Variants in FRMD3 observed in about 807,000 individuals in gnomAD.
The protein encoded by FRMD3 is FERM domain-containing protein 3.
Under a neutral mutation model 70.2 loss-of-function variants are expected in FRMD3, and 33 were observed. That is an observed-to-expected ratio of 0.47 (90% CI 0.36 to 0.63). FRMD3 has a LOEUF of 0.63. Ranked by LOEUF, FRMD3 falls within the 20% of genes least tolerant of loss-of-function variation. The pLI, the probability that FRMD3 is intolerant of heterozygous loss-of-function variation, is 0.00. For synonymous variants in FRMD3, 279 were observed against 255.9 expected (o/e 1.09, Z -0.86); for missense variants, 632 against 711.4 (o/e 0.89, Z 1.27).
At chr9:83,253,020 G>C (rs1306905516) in intron 13 of FRMD3, among the ~76,000 whole-genome samples, 7 of 152,176 alleles carry the variant, frequency 4.6e-5, no homozygotes, top group Non-Finnish European at 1.0e-4. Context: ...TCCAGATCAA[G>C]TGGACATGGT....
chr9:83,378,537 T>C (rs188502120), intron 2 of FRMD3, among the ~76,000 whole-genome samples: 361 of 29,602 alleles, frequency 0.012, no homozygotes, highest in African/African-American at 0.016. Flanking sequence ...TTTATATATA[T>C]AATATACATA....
chr9:83,401,230 G>T (rs1825943036), intron 1 of FRMD3, among the ~76,000 whole-genome samples: 1 of 152,196 alleles, frequency 6.6e-6, no homozygotes. Flanking sequence ...AAGGTCACAT[G>T]GCAAGCAAAT....
chr9:83,384,175 C>T (rs1289882597), intron 2 of FRMD3, among the ~76,000 whole-genome samples: 1 of 152,218 alleles, frequency 6.6e-6, no homozygotes, highest in African/African-American at 2.4e-5. Flanking sequence ...ATCTTTAATA[C>T]CTTTTGAAAC....
At chr9:83,522,355 G>A (rs374553697) in intron 1 of FRMD3, among the ~76,000 whole-genome samples, 2 of 152,034 alleles carry the variant, frequency 1.3e-5, no homozygotes, top group East Asian at 3.9e-4. Flanking sequence ...CTCTGCTCGC[G>A]GAGGCCAGAA....
intron 1 of FRMD3, among the ~76,000 whole-genome samples, chr9:83,445,379 T>TACATAAGATAGAC: frequency 6.6e-6 from 1 of 150,978 alleles, no homozygotes; most frequent in African/African-American, 2.4e-5. Flanking sequence ...GATAGATAGA[T>TACATAAGATAGAC]AGACAGATAG....
intron 13 of FRMD3, among the ~76,000 whole-genome samples, chr9:83,287,721 C>T (rs1480193028): frequency 6.6e-6 from 1 of 152,216 alleles, no homozygotes; most frequent in Non-Finnish European, 1.5e-5. Flanking sequence ...GATTTTATGT[C>T]AGACACTCCA....
chr9:83,569,179 A>G, the FRMD3 span, among the ~76,000 whole-genome samples: 1 of 152,192 alleles, frequency 6.6e-6, no homozygotes, highest in African/African-American at 2.4e-5. Context: ...TGCTCCAGAG[A>G]CTTTCTGAAG....
intron 2 of FRMD3, among the ~76,000 whole-genome samples, chr9:83,373,780 G>T (rs749060177): frequency 1.1e-4 from 17 of 152,078 alleles, no homozygotes; most frequent in Non-Finnish European, 1.8e-4. Context: ...GGTGTCCTGG[G>T]GTACCCATCC....
intron 12 of FRMD3, chr9:83,297,738 G>A (rs986972421): frequency 2.1e-6 from 1 of 471,716 alleles, no homozygotes. Context: ...CAGTGTGATA[G>A]CCTGGTTTTG....
At chr9:83,543,263 G>A (rs940380371), upstream of FRMD3, among the ~76,000 whole-genome samples, 2 of 151,750 alleles carry the variant, frequency 1.3e-5, no homozygotes, top group Non-Finnish European at 2.9e-5. Context: ...CAGAAAAAAG[G>A]AGGAGGCAAG....
chr9:83,354,091 A>T (rs1237031071), intron 3 of FRMD3, among the ~76,000 whole-genome samples: 2 of 152,010 alleles, frequency 1.3e-5, no homozygotes, highest in African/African-American at 4.8e-5. Context: ...TGCCTGGCTA[A>T]TTTTTTGTAT....
chr9:83,310,948 T>C (rs1008281057), intron 8 of FRMD3, among the ~76,000 whole-genome samples: 1 of 152,230 alleles, frequency 6.6e-6, no homozygotes, highest in African/African-American at 2.4e-5. Flanking sequence ...TCCTTCTGCA[T>C]CCATTTCCAA....
chr9:83,334,693 T>C (rs1472183669), intron 6 of FRMD3, among the ~76,000 whole-genome samples: 1 of 152,078 alleles, frequency 6.6e-6, no homozygotes, highest in Non-Finnish European at 1.5e-5. Context: ...ATTACCTAAA[T>C]TCCAAGTTGG....
chr9:83,272,868 C>T (rs1345019957), intron 13 of FRMD3, among the ~76,000 whole-genome samples: 9 of 147,660 alleles, frequency 6.1e-5, no homozygotes, highest in African/African-American at 2.3e-4. Context: ...TCTGCCCGGC[C>T]ACCCCGTCCG....
Position 83,498,173 on chromosome 9 carries a change from A to G in FRMD3, c.147+39912T>C, listed in dbSNP as rs999152335. The stretch of plus-strand genomic sequence containing the variant: ...AGACAGAGCAAGACTCCGTCTCCAA[A>G]AAAAAAAAAATTTGTTGTCACAGCA... On this transcript the variant is annotated intron_variant, in intron 1 of 13. Transcript: ENST00000304195. Among the ~76,000 whole-genome samples, 10 of 151,070 alleles carry G rather than the reference A, an allele frequency of 6.6e-5. No homozygotes were observed. The South Asian group carries it at 2.1e-3, about 32-fold the overall frequency.
At chr9:83,563,536 C>T in the FRMD3 span, among the ~76,000 whole-genome samples, 23 of 152,132 alleles carry the variant, frequency 1.5e-4, no homozygotes, top group Non-Finnish European at 2.9e-4. Flanking sequence ...CCACAGTGCC[C>T]TCCAATTGGC....
chr9:83,496,342 G>C (rs1484242695), intron 1 of FRMD3, among the ~76,000 whole-genome samples: 1 of 152,168 alleles, frequency 6.6e-6, no homozygotes, highest in Non-Finnish European at 1.5e-5. Flanking sequence ...TTCATCAACT[G>C]TTCTTCATCA....
At chr9:83,306,962 A>G (rs1835158478) in intron 10 of FRMD3, among the ~76,000 whole-genome samples, 1 of 152,204 alleles carries the variant, frequency 6.6e-6, no homozygotes, top group African/African-American at 2.4e-5. Context: ...AAAATAATTA[A>G]TTTTATGTTA....
the FRMD3 span, among the ~76,000 whole-genome samples, chr9:83,559,601 G>A: frequency 7.2e-5 from 11 of 152,138 alleles, no homozygotes; most frequent in Non-Finnish European, 1.2e-4. Flanking sequence ...TCTAGGTGAA[G>A]GGTGCCCTAA....
Sources: gnomAD v4.1 joint callset for allele counts (sites outside exome capture counted in the v4.1 genomes callset) on GRCh38, gnomAD v4.1.1 for gene constraint, MANE v1.5 for transcripts, NCBI Gene and HGNC (gene_info 2026-07-23, HGNC 2026-07-21) for gene names.